The following EIF2AK4 variants were observed in gnomAD, a reference collection of about 807,000 sequenced individuals.
EIF2AK4 encodes eIF-2-alpha kinase GCN2.
EIF2AK4 carries 139 observed loss-of-function variants against 211.1 expected under a neutral mutation model. The observed-to-expected ratio is 0.66, with a 90% confidence interval of 0.57 to 0.76. The LOEUF is 0.76. EIF2AK4 is among the 30% of genes least tolerant of loss of function. The probability of loss-of-function intolerance (pLI) is 0.00; values close to 1 mark genes in which losing one functional copy is unlikely to be tolerated. For missense variants in EIF2AK4, 1,664 were observed against 2,043.8 expected (o/e 0.81, Z 3.58); for synonymous variants, 710 against 751.3 (o/e 0.94, Z 0.90).
intron 7 of EIF2AK4, among the ~76,000 whole-genome samples, chr15:39,962,254 G>A (rs957973983): frequency 2.0e-5 from 3 of 152,096 alleles, no homozygotes; most frequent in Non-Finnish European, 4.4e-5. Context: ...ATGAGACCCT[G>A]TCTCAATAAA....
At chr15:40,027,340 G>C (rs2035477854) in intron 33 of EIF2AK4, among the ~76,000 whole-genome samples, 1 of 152,176 alleles carries the variant, frequency 6.6e-6, no homozygotes, top group Non-Finnish European at 1.5e-5. Context: ...GAGAGGATGA[G>C]AGTGAAAAGG....
intron 1 of EIF2AK4, among the ~76,000 whole-genome samples, chr15:39,937,962 C>G (rs886517961): frequency 2.6e-5 from 4 of 151,950 alleles, no homozygotes; most frequent in African/African-American, 9.7e-5. Flanking sequence ...TTTTTCCTTG[C>G]CTGGAATGCT....
At chr15:39,980,348 C>A (rs149711477) in intron 13 of EIF2AK4, among the ~76,000 whole-genome samples, 2 of 152,126 alleles carry the variant, frequency 1.3e-5, no homozygotes, top group Admixed American at 1.3e-4. Flanking sequence ...GTTCTACTTT[C>A]TAATAAAAAG....
chr15:40,022,389 C>T (rs1041555652), intron 31 of EIF2AK4, 130 bp from the exon 32 acceptor site: 7 of 753,572 alleles, frequency 9.3e-6, no homozygotes, highest in Admixed American at 2.8e-5. Context: ...ATTTATATCC[C>T]CCTGAAGTCA....
intron 13 of EIF2AK4, among the ~76,000 whole-genome samples, chr15:39,981,114 G>C (rs1160094913): frequency 6.6e-6 from 1 of 152,178 alleles, no homozygotes; most frequent in Non-Finnish European, 1.5e-5. Flanking sequence ...GCTCACACCT[G>C]TAATCCCAGC....
At chr15:39,980,478 T>G (rs1313369425) in intron 13 of EIF2AK4, among the ~76,000 whole-genome samples, 1 of 152,126 alleles carries the variant, frequency 6.6e-6, no homozygotes, top group African/African-American at 2.4e-5. Flanking sequence ...AAATAGAGCT[T>G]GAGGTTGTTT....
At chr15:40,011,011 T>C (rs1166702381) in intron 26 of EIF2AK4, among the ~76,000 whole-genome samples, 1 of 152,246 alleles carries the variant, frequency 6.6e-6, no homozygotes, top group African/African-American at 2.4e-5. Flanking sequence ...ATTAAGCCTG[T>C]CCAGATTTGG....
rs764860065 is a variant in EIF2AK4, at chr15:39,972,934, G to A, written c.1580G>A (p.Arg527Lys). The part of the protein sequence containing the change: ...KKCVCLDDKE[R>K]WSPQQLLKHS... The stretch of plus-strand genomic sequence containing the variant: ...TGTGTGTGCTTGGATGACAAGGAAA[G>A]ATGGAGTCCCCAGCAGTTGTTGAAA... Residue 527 changes from arginine (R) to lysine (K), a missense_variant, in exon 10 of 39, where the codon AGA (arginine) becomes AAA (lysine). Transcript: ENST00000263791. 1 of 1,613,958 alleles carries A rather than the reference G, an allele frequency of 6.2e-7. No individual in the cohort carries two copies. Among genetic ancestry groups the A allele is most frequent in the Non-Finnish European group, 8.5e-7 (1 of 1,179,972 alleles).
chr15:40,021,310 T>G (rs569576283), intron 31 of EIF2AK4, among the ~76,000 whole-genome samples: 1 of 152,120 alleles, frequency 6.6e-6, no homozygotes, highest in Non-Finnish European at 1.5e-5. Flanking sequence ...AGAATCTGTG[T>G]CCTTCCCTTT....
Position 40,020,918 on chromosome 15 carries a change from ACCT to A in EIF2AK4, c.4197_4199del (p.Leu1400del), listed in dbSNP as rs752929958. 16 of 1,611,174 alleles carry A rather than the reference ACCT, an allele frequency of 9.9e-6. No individual in the cohort carries two copies. The highest frequency in any genetic ancestry group is 1.7e-5 in the Admixed American group (1 of 59,720). ...ATCCAGGTTACAATAAGCTCTTGTG[ACCT>A]CCTGGTTGTAAGTGTTGGCCAGATG... On this transcript the variant is annotated inframe_deletion, in exon 31 of 39. Coordinates refer to ENST00000263791, the MANE Select transcript of EIF2AK4 (RefSeq NM_001013703.4).
chr15:40,029,783 A>G (rs771861967), intron 34 of EIF2AK4, among the ~76,000 whole-genome samples: 4 of 152,202 alleles, frequency 2.6e-5, no homozygotes, highest in Non-Finnish European at 5.9e-5. Flanking sequence ...GGATTGAAGG[A>G]AGTATTTTGA....
intron 1 of EIF2AK4, among the ~76,000 whole-genome samples, chr15:39,938,005 C>T (rs866655821): frequency 2.0e-5 from 3 of 152,248 alleles, no homozygotes; most frequent in Admixed American, 2.0e-4. Context: ...TTCAATGCTA[C>T]ATCCTCAGAT....
intron 35 of EIF2AK4, among the ~76,000 whole-genome samples, 173 bp from the exon 36 acceptor site, chr15:40,031,996 G>A (rs2035550386): frequency 6.6e-6 from 1 of 152,236 alleles, no homozygotes; most frequent in Non-Finnish European, 1.5e-5. Context: ...AAAGTGCTGG[G>A]ATTACGGGCA....
At chr15:40,026,218 GC>G in intron 33 of EIF2AK4, 129 bp downstream of exon 33, 1 of 779,400 alleles carries the variant, frequency 1.3e-6, no homozygotes, top group Non-Finnish European at 2.0e-6. Flanking sequence ...ACTTTGGGAG[GC>G]CAAGTTTGGG....
At chr15:39,964,218 T>C (rs889884676) in intron 7 of EIF2AK4, among the ~76,000 whole-genome samples, 8 of 152,244 alleles carry the variant, frequency 5.3e-5, no homozygotes, top group African/African-American at 1.9e-4. Flanking sequence ...GTATTTTTGC[T>C]GAGACATCTT....
At chr15:40,017,447 C>G (rs747959322) in intron 29 of EIF2AK4, among the ~76,000 whole-genome samples, 48 of 138,488 alleles carry the variant, frequency 3.5e-4, no homozygotes, top group Admixed American at 3.8e-4. Context: ...TATTATTTTG[C>G]AAGATAGTTG....
chr15:40,000,204 ATATAATACTCC>A (rs2035072067), intron 20 of EIF2AK4, among the ~76,000 whole-genome samples: 1 of 152,156 alleles, frequency 6.6e-6, no homozygotes, highest in African/African-American at 2.4e-5. Flanking sequence ...TTTTCTTTCT[ATATAATACTCC>A]TATATCCCAT....
intron 4 of EIF2AK4, among the ~76,000 whole-genome samples, chr15:39,953,160 T>A (rs552445388): frequency 3.3e-5 from 5 of 152,358 alleles, no homozygotes; most frequent in African/African-American, 1.2e-4. Flanking sequence ...GTCTGTAGTT[T>A]ATTATTGTCC....
chr15:39,985,473 A>G (rs2034851833), intron 13 of EIF2AK4, among the ~76,000 whole-genome samples: 3 of 152,232 alleles, frequency 2.0e-5, no homozygotes, highest in Admixed American at 1.3e-4. Flanking sequence ...CCTCTACACA[A>G]ATAAACTAGA....
Sources: allele counts gnomAD v4.1 joint callset (sites outside exome capture counted in the v4.1 genomes callset), GRCh38; gene constraint gnomAD v4.1.1; transcripts MANE v1.5; gene names NCBI Gene and HGNC (gene_info 2026-07-23, HGNC 2026-07-21).